Variants in OOSP2 observed in about 807,000 individuals in gnomAD.
The protein encoded by OOSP2 is oocyte secreted protein 2.
Under a neutral mutation model 13.4 loss-of-function variants are expected in OOSP2, and 7 were observed. That is an observed-to-expected ratio of 0.52 (90% confidence interval 0.30 to 0.98). The LOEUF (loss-of-function observed/expected upper bound fraction) is 0.98, where lower values mean the gene tolerates loss of function less well. Ranked by LOEUF, OOSP2 falls within the 50% of genes least tolerant of loss-of-function variation. The pLI is 0.07. For synonymous variants in OOSP2, 75 were observed against 67.2 expected (o/e 1.12, Z -0.57); for missense variants, 184 against 188.5 (o/e 0.98, Z 0.14).
At chr11:60,046,100 C>T (rs1465893996) in intron 3 of OOSP2, among the ~76,000 whole-genome samples, 1 of 151,082 alleles carries the variant, frequency 6.6e-6, no homozygotes, top group Non-Finnish European at 1.5e-5. Context: ...CTGTCTCTGT[C>T]CCTGTCTCTC....
At chr11:60,042,082 G>A (rs944482401) in intron 1 of OOSP2, among the ~76,000 whole-genome samples, 7 of 152,178 alleles carry the variant, frequency 4.6e-5, no homozygotes, top group African/African-American at 1.7e-4. Context: ...CAGCGCCACT[G>A]CACTCCATCC....
chr11:60,041,507 TG>T lies in OOSP2; in HGVS notation c.64+985del, dbSNP rs374313952. On this transcript the variant is annotated intron_variant, in intron 1 of 3. Transcript: ENST00000278855. ...TTCTGCTGCAGTGAAAGTATCTATG[TG>T]TGTTTCTCAGGCTTTTCTCAGCTAT... Among the ~76,000 whole-genome samples, 48 of 152,278 alleles carry T rather than the reference TG, an allele frequency of 3.2e-4. 2 individuals are homozygous for T. In the East Asian group the frequency reaches 6.4e-3, roughly 20 times the overall value.
intron 3 of OOSP2, chr11:60,046,689 TA>T (rs1415365244): frequency 3.4e-6 from 2 of 585,320 alleles, no homozygotes; most frequent in African/African-American, 1.8e-5. Flanking sequence ...ACAAATTATC[TA>T]AGACCATTCG....
chr11:60,043,419 T>C, intron 1 of OOSP2, 50 bp from the exon 2 acceptor site: 1 of 1,273,412 alleles, frequency 7.9e-7, no homozygotes, highest in Non-Finnish European at 1.1e-6. Flanking sequence ...TTTGAACACT[T>C]TCTTAAGATA....
rs1855027350 is a variant in OOSP2, at chr11:60,047,902, T to A, written c.*829T>A. On this transcript the variant is annotated 3_prime_UTR_variant, in exon 4 of 4. Transcript: ENST00000278855. ...TTTGGTAGATTTCTTATATCAAGGG[T>A]GAGAATTGAACTGTGCCATTGGCTA... 6.6e-6 allele frequency: 1 copy of A among 152,282 alleles called. No individual in the cohort carries two copies. Among genetic ancestry groups the A allele is most frequent in the Non-Finnish European group, 1.5e-5 (1 of 67,992 alleles). The allele number at this position is 152,282 out of a possible 1,614,324, so 9.4% of individuals were successfully genotyped here. A position where few individuals can be genotyped will look rare whatever the true frequency, so the allele number is the denominator to read the frequency against.
chr11:60,045,851 C>T (rs1322616514), intron 3 of OOSP2, among the ~76,000 whole-genome samples: 1 of 152,122 alleles, frequency 6.6e-6, no homozygotes, highest in Non-Finnish European at 1.5e-5. Flanking sequence ...TTCATAAAGG[C>T]TGAGGGATTT....
chr11:60,044,819 C>G (rs1854988661), intron 3 of OOSP2, 45 bp downstream of exon 3: 1 of 892,944 alleles, frequency 1.1e-6, no homozygotes, highest in Non-Finnish European at 1.8e-6. Context: ...TTAGCTTTAC[C>G]TTTGCTTATG....
Position 60,043,583 on chromosome 11 carries a change from A to G in OOSP2, c.179A>G (p.Asn60Ser), listed in dbSNP as rs1287440120. 1.9e-6 allele frequency: 3 copies of G among 1,609,024 alleles called. No individual in the cohort carries two copies. The African/African-American group carries it at 4.0e-5, about 22-fold the overall frequency. The part of the protein sequence containing the change: ...ELHLGMGCPA[N>S]RIHTYVYEFI... ...CATCTGGGAATGGGCTGCCCTGCAA[A>G]TCGGATACATACATATGTATATGAG... Residue 60 changes from asparagine (N) to serine (S), a missense_variant, in exon 2 of 4, where the codon AAT becomes AGT. Coordinates refer to ENST00000278855, the MANE Select transcript of OOSP2 (RefSeq NM_173801.5).
intron 1 of OOSP2, among the ~76,000 whole-genome samples, chr11:60,043,144 T>G (rs1854959343): frequency 2.6e-5 from 4 of 152,162 alleles, no homozygotes. Flanking sequence ...GACCTTGTAA[T>G]GCGCCCGCCT....
chr11:60,045,325 C>T (rs1004525597), intron 3 of OOSP2, among the ~76,000 whole-genome samples: 6 of 150,296 alleles, frequency 4.0e-5, no homozygotes, highest in African/African-American at 1.5e-4. Flanking sequence ...CCAAGAGCCT[C>T]GTGTGAACTT....
Position 60,043,578 on chromosome 11 carries a change from T to G in OOSP2, c.174T>G (p.Pro58=), listed in dbSNP as rs1854967602. Residue 58 remains proline, a synonymous_variant, in exon 2 of 4, where the codon CCT becomes CCG. Coordinates refer to ENST00000278855, the MANE Select transcript of OOSP2 (RefSeq NM_173801.5). ...AATTACATCTGGGAATGGGCTGCCC[T>G]GCAAATCGGATACATACATATGTAT... ...ADELHLGMGC[P]ANRIHTYVYE... The G allele has an allele frequency of 6.2e-7, 1 of 1,608,852 alleles. No homozygotes were observed.
chr11:60,043,147 G>A (rs1395855853), intron 1 of OOSP2, among the ~76,000 whole-genome samples: 4 of 151,970 alleles, frequency 2.6e-5, no homozygotes, highest in Admixed American at 6.6e-5. Flanking sequence ...CTTGTAATGC[G>A]CCCGCCTCGG....
intron 3 of OOSP2, among the ~76,000 whole-genome samples, chr11:60,046,183 C>T (rs938769815): frequency 9.9e-5 from 15 of 150,792 alleles, no homozygotes; most frequent in Admixed American, 8.7e-4. Flanking sequence ...GCCTCTCTCT[C>T]GGTTTCTCTG....
intron 2 of OOSP2, 38 bp downstream of exon 2, chr11:60,043,685 T>G (rs1279361935): frequency 8.3e-7 from 1 of 1,197,876 alleles, no homozygotes; most frequent in Admixed American, 1.9e-5. Context: ...TACTGCATGT[T>G]TTGTCAGACT....
chr11:60,042,132 A>G, intron 1 of OOSP2, among the ~76,000 whole-genome samples: 1 of 151,440 alleles, frequency 6.6e-6, no homozygotes, highest in Non-Finnish European at 1.5e-5. Context: ...ACAAACAAAC[A>G]AAAAAACCCC....
chr11:60,046,661 T>C, intron 3 of OOSP2: 1 of 528,194 alleles, frequency 1.9e-6, no homozygotes, highest in Non-Finnish European at 3.6e-6. Context: ...ACATTGGTAC[T>C]CTTCTAATGC....
intron 1 of OOSP2, among the ~76,000 whole-genome samples, chr11:60,041,715 G>A (rs1007606527): frequency 1.3e-5 from 2 of 151,874 alleles, no homozygotes; most frequent in Admixed American, 1.3e-4. Flanking sequence ...GCCTTGTGTA[G>A]TGGTGGGCGC....
chr11:60,045,925 C>G (rs1002862111), intron 3 of OOSP2, among the ~76,000 whole-genome samples: 1 of 152,170 alleles, frequency 6.6e-6, no homozygotes, highest in Non-Finnish European at 1.5e-5. Context: ...CTGTCTCTAT[C>G]TCTGTCTCTG....
intron 1 of OOSP2, among the ~76,000 whole-genome samples, 170 bp from the exon 2 acceptor site, chr11:60,043,298 AT>A (rs1854962091): frequency 6.6e-6 from 1 of 152,206 alleles, no homozygotes; most frequent in African/African-American, 2.4e-5. Context: ...TTAGTTAGGT[AT>A]TTTGGAAAAT....
Sources: allele counts gnomAD v4.1 joint callset (sites outside exome capture counted in the v4.1 genomes callset), GRCh38; gene constraint gnomAD v4.1.1; transcripts MANE v1.5; gene names NCBI Gene and HGNC (gene_info 2026-07-23, HGNC 2026-07-21).